Variants in SERGEF observed in about 807,000 individuals in gnomAD.
The protein encoded by SERGEF is secretion-regulating guanine nucleotide exchange factor.
SERGEF carries 51 observed loss-of-function variants against 50.0 expected under a neutral mutation model. That is an observed-to-expected ratio of 1.02 (90% CI 0.81 to 1.29). The LOEUF (loss-of-function observed/expected upper bound fraction) is 1.29. Among genes scored for constraint, SERGEF ranks in the 50% most tolerant of loss-of-function variants. The pLI, the probability that SERGEF is intolerant of heterozygous loss-of-function variation, is 0.00. For synonymous variants in SERGEF, 205 were observed against 212.4 expected, an observed-to-expected ratio of 0.97 and a Z score of 0.30; for missense variants, 521 against 557.0, an observed-to-expected ratio of 0.94 and a Z score of 0.65.
At chr11:17,834,355 A>C (rs990648903) in intron 10 of SERGEF, among the ~76,000 whole-genome samples, 3 of 152,142 alleles carry the variant, frequency 2.0e-5, no homozygotes, top group African/African-American at 7.2e-5. Flanking sequence ...AGTCCAACTA[A>C]ACCTCCTTCT....
chr11:17,858,649 G>A (rs1015034977), intron 10 of SERGEF, among the ~76,000 whole-genome samples: 1 of 152,040 alleles, frequency 6.6e-6, no homozygotes, highest in African/African-American at 2.4e-5. Flanking sequence ...TCTTTAGAGA[G>A]GAAAACCTCT....
intron 9 of SERGEF, among the ~76,000 whole-genome samples, chr11:17,950,046 T>A (rs1019195892): frequency 2.6e-5 from 4 of 152,216 alleles, no homozygotes; most frequent in Non-Finnish European, 5.9e-5. Context: ...GAGAGACTGG[T>A]AGAAGGTGAG....
intron 10 of SERGEF, among the ~76,000 whole-genome samples, chr11:17,872,420 G>A (rs1182789045): frequency 3.9e-5 from 6 of 152,112 alleles, no homozygotes; most frequent in Non-Finnish European, 8.8e-5. Flanking sequence ...AACTTAAAAA[G>A]ATAAACAAAA....
chr11:17,881,500 A>T (rs1324791877), intron 9 of SERGEF, among the ~76,000 whole-genome samples: 1 of 152,248 alleles, frequency 6.6e-6, no homozygotes, highest in Non-Finnish European at 1.5e-5. Context: ...TCCCTCAGTG[A>T]AACTGTATCA....
intron 10 of SERGEF, among the ~76,000 whole-genome samples, chr11:17,817,488 T>TTACA (rs1434851849): frequency 1.3e-5 from 2 of 152,170 alleles, no homozygotes; most frequent in East Asian, 3.9e-4. Context: ...AGTGCTGGGA[T>TTACA]TACAGGCATG....
At chr11:17,935,176 A>T (rs1230094845) in intron 9 of SERGEF, among the ~76,000 whole-genome samples, 3 of 152,234 alleles carry the variant, frequency 2.0e-5, no homozygotes, top group Non-Finnish European at 4.4e-5. Flanking sequence ...AAAATAAAAT[A>T]AAATAAAAAT....
intron 7 of SERGEF, among the ~76,000 whole-genome samples, chr11:17,990,936 T>C (rs573265649): frequency 3.8e-4 from 58 of 152,264 alleles, no homozygotes; most frequent in African/African-American, 1.2e-3. Flanking sequence ...CCAGCTAATT[T>C]TGAATTTTTT....
At chr11:17,830,685 A>AGAGAGT (rs540825238) in intron 10 of SERGEF, among the ~76,000 whole-genome samples, 5 of 118,884 alleles carry the variant, frequency 4.2e-5, no homozygotes, top group Non-Finnish European at 7.3e-5. Context: ...AGAGAGAGAG[A>AGAGAGT]GAGCACATGT....
At chr11:17,968,666 T>C (rs929048320) in intron 8 of SERGEF, among the ~76,000 whole-genome samples, 7 of 150,830 alleles carry the variant, frequency 4.6e-5, no homozygotes, top group Non-Finnish European at 2.9e-5. Context: ...ACCATGCTAC[T>C]GCACTCCAGC....
At chr11:17,992,095 T>A (rs1216254934) in intron 7 of SERGEF, among the ~76,000 whole-genome samples, 1 of 152,212 alleles carries the variant, frequency 6.6e-6, no homozygotes, top group Non-Finnish European at 1.5e-5. Context: ...TATACTGTAT[T>A]GGCTCGGTGT....
chr11:17,857,312 C>T (rs1006198868), intron 10 of SERGEF, among the ~76,000 whole-genome samples: 2 of 152,148 alleles, frequency 1.3e-5, no homozygotes, highest in Admixed American at 6.5e-5. Flanking sequence ...AAAGATTAGG[C>T]TGTTTCTAAA....
chr11:17,914,840 T>C (rs1852019161), intron 9 of SERGEF, among the ~76,000 whole-genome samples: 4 of 152,198 alleles, frequency 2.6e-5, no homozygotes, highest in Admixed American at 2.0e-4. Flanking sequence ...TGTAATATAA[T>C]AGTGATCAAC....
At chr11:17,992,427 A>G (rs1446041772) in intron 7 of SERGEF, among the ~76,000 whole-genome samples, 1 of 152,230 alleles carries the variant, frequency 6.6e-6, no homozygotes, top group Non-Finnish European at 1.5e-5. Context: ...GAGTATACAC[A>G]GGTAGAGAGC....
rs1344428966 is a variant in SERGEF, at chr11:17,876,914, A to G, written c.1048+1294T>C. 2.0e-5 allele frequency among the ~76,000 whole-genome samples: 3 copies of G among 152,324 alleles called. No homozygotes were observed. In the East Asian group the frequency reaches 5.8e-4, roughly 29 times the overall value. ...TATCTGGTCCTGCTGCAAAGCATGC[A>G]GGTTTGCTGTTACATTTTCTAGCTC... On this transcript the variant is annotated intron_variant, in intron 10 of 10. Coordinates refer to ENST00000265965, the MANE Select transcript of SERGEF (RefSeq NM_012139.4).
intron 10 of SERGEF, among the ~76,000 whole-genome samples, chr11:17,860,842 C>T (rs1422071624): frequency 6.6e-6 from 1 of 152,118 alleles, no homozygotes; most frequent in Non-Finnish European, 1.5e-5. Flanking sequence ...GTGGATGTAA[C>T]AGTGTGTAAG....
chr11:18,002,091 C>T (rs770124706), intron 4 of SERGEF: 71 of 452,372 alleles, frequency 1.6e-4, no homozygotes, highest in Admixed American at 8.2e-4. Flanking sequence ...CATTAGCTTA[C>T]GAGAAGATCA....
At chr11:17,889,628 T>G (rs182900152) in intron 9 of SERGEF, among the ~76,000 whole-genome samples, 2 of 152,116 alleles carry the variant, frequency 1.3e-5, no homozygotes, top group Non-Finnish European at 2.9e-5. Flanking sequence ...AGTGAAAAAT[T>G]GTCATAAAAG....
intron 10 of SERGEF, among the ~76,000 whole-genome samples, chr11:17,798,980 G>A (rs1407649556): frequency 6.6e-6 from 1 of 152,174 alleles, no homozygotes; most frequent in African/African-American, 2.4e-5. Context: ...AAAGAAAGGT[G>A]GCCCTGGCAG....
At chr11:17,873,187 G>A (rs1410266651) in intron 10 of SERGEF, among the ~76,000 whole-genome samples, 1 of 152,088 alleles carries the variant, frequency 6.6e-6, no homozygotes, top group East Asian at 1.9e-4. Flanking sequence ...ATTAGAGGTG[G>A]GGGTAAAAGA....
Sources: gnomAD v4.1 joint callset for allele counts (sites outside exome capture counted in the v4.1 genomes callset) on GRCh38, gnomAD v4.1.1 for gene constraint, MANE v1.5 for transcripts, NCBI Gene and HGNC (gene_info 2026-07-23, HGNC 2026-07-21) for gene names.